NPAS3: variants seen among roughly 807,000 people sequenced by gnomAD.
The protein encoded by NPAS3 is neuronal PAS domain-containing protein 3.
Under a neutral mutation model 73.1 loss-of-function variants are expected in NPAS3, and 14 were observed. That is an observed-to-expected ratio of 0.19 (90% confidence interval 0.13 to 0.30). NPAS3 has a LOEUF of 0.30. Among genes scored for constraint, NPAS3 ranks in the 10% least tolerant of loss-of-function variants. The pLI is 1.00. For synonymous variants in NPAS3, 620 were observed against 541.5 expected, an observed-to-expected ratio of 1.14 and a Z score of -2.01; for missense variants, 1,096 against 1,250.0, an observed-to-expected ratio of 0.88 and a Z score of 1.86.
chr14:33,739,043 C>T (rs557075519), intron 7 of NPAS3, among the ~76,000 whole-genome samples: 30 of 152,212 alleles, frequency 2.0e-4, no homozygotes, highest in African/African-American at 6.3e-4. Context: ...CTGTCATTTC[C>T]GAAGTATTTA....
chr14:33,768,208 A>G (rs1294712391), intron 7 of NPAS3, among the ~76,000 whole-genome samples: 1 of 152,148 alleles, frequency 6.6e-6, no homozygotes, highest in Non-Finnish European at 1.5e-5. Flanking sequence ...CTGTGTAAGG[A>G]GTTTAGAAAA....
chr14:32,997,050 C>A (rs996010628), intron 1 of NPAS3, among the ~76,000 whole-genome samples: 1 of 152,198 alleles, frequency 6.6e-6, no homozygotes, highest in Non-Finnish European at 1.5e-5. Flanking sequence ...TGGGAACCCA[C>A]CTCATGCATT....
intron 3 of NPAS3, among the ~76,000 whole-genome samples, chr14:33,270,067 C>T (rs1452161442): frequency 6.6e-6 from 1 of 152,040 alleles, no homozygotes; most frequent in Non-Finnish European, 1.5e-5. Flanking sequence ...AGTCTGATCC[C>T]ATGGGGAGCT....
chr14:33,679,208 T>TCACCAGTAGAGAACGTTAAGCTAC, intron 6 of NPAS3, among the ~76,000 whole-genome samples: 1 of 152,318 alleles, frequency 6.6e-6, no homozygotes, highest in South Asian at 2.1e-4. Context: ...AATGTGACTC[T>TCACCAGTAGAGAACGTTAAGCTAC]CACCAGTAGA....
At chr14:33,202,677 TA>T (rs1303805594) in intron 2 of NPAS3, among the ~76,000 whole-genome samples, 2 of 149,886 alleles carry the variant, frequency 1.3e-5, no homozygotes, top group East Asian at 2.0e-4. Flanking sequence ...TTATTTAAAA[TA>T]AAAAACAATT....
chr14:33,386,004 TGTA>T (rs1219207862), intron 4 of NPAS3, among the ~76,000 whole-genome samples: 2 of 152,086 alleles, frequency 1.3e-5, no homozygotes, highest in Non-Finnish European at 2.9e-5. Context: ...GGAAGGAAGT[TGTA>T]GTGATGAGGA....
At chr14:33,227,328 T>G (rs1392818479) in intron 3 of NPAS3, among the ~76,000 whole-genome samples, 1 of 152,218 alleles carries the variant, frequency 6.6e-6, no homozygotes, top group Admixed American at 6.5e-5. Context: ...AGTCAGTGAC[T>G]GAATTTGTTG....
At chr14:33,278,760 A>C (rs2041453572) in intron 3 of NPAS3, among the ~76,000 whole-genome samples, 1 of 152,192 alleles carries the variant, frequency 6.6e-6, no homozygotes, top group African/African-American at 2.4e-5. Context: ...AAGCATTCTA[A>C]GTTCAGTGAT....
intron 9 of NPAS3, among the ~76,000 whole-genome samples, chr14:33,781,791 C>T: frequency 6.6e-6 from 1 of 152,286 alleles, no homozygotes; most frequent in South Asian, 2.1e-4. Flanking sequence ...TCTTTGATAA[C>T]TAAAAATACT....
intron 4 of NPAS3, among the ~76,000 whole-genome samples, chr14:33,371,210 C>T (rs2046072935): frequency 6.6e-6 from 1 of 152,092 alleles, no homozygotes; most frequent in South Asian, 2.1e-4. Flanking sequence ...AGGATAAATC[C>T]TTTAGTAGGG....
chr14:33,758,195 C>G (rs953048850), intron 7 of NPAS3, among the ~76,000 whole-genome samples: 1 of 152,208 alleles, frequency 6.6e-6, no homozygotes, highest in Non-Finnish European at 1.5e-5. Flanking sequence ...ACCTCCCCAC[C>G]TACTCCACTT....
At chr14:33,485,954 G>C (rs951233303) in intron 4 of NPAS3, among the ~76,000 whole-genome samples, 1 of 151,928 alleles carries the variant, frequency 6.6e-6, no homozygotes, top group African/African-American at 2.4e-5. Flanking sequence ...GAATGTGAGT[G>C]GCCGCCTGCA....
chr14:33,254,992 TCTTA>T (rs2048724968), intron 3 of NPAS3, among the ~76,000 whole-genome samples: 1 of 152,032 alleles, frequency 6.6e-6, no homozygotes, highest in Non-Finnish European at 1.5e-5. Context: ...ACTGACCCAG[TCTTA>T]CTTCTTTTCT....
chr14:33,801,090 T>C (rs749040861), exon 12 of NPAS3: 11 of 1,589,218 alleles, frequency 6.9e-6, no homozygotes, highest in African/African-American at 4.0e-5. Context: ...GCACAGACTC[T>C]GGAGCGCAAG....
At chr14:33,389,089 A>C (rs2138573337) in intron 4 of NPAS3, among the ~76,000 whole-genome samples, 1 of 152,314 alleles carries the variant, frequency 6.6e-6, no homozygotes, top group South Asian at 2.1e-4. Context: ...AGTATTCCAA[A>C]AAGATTGGTA....
chr14:33,800,218 G>C lies in NPAS3; in HGVS notation c.1911G>C (p.Leu637=). 1 of 1,612,684 alleles carries C rather than the reference G, an allele frequency of 6.2e-7. No individual in the cohort carries two copies. Among genetic ancestry groups the C allele is most frequent in the Non-Finnish European group, 8.5e-7 (1 of 1,179,596 alleles). Residue 637 remains leucine (L), a synonymous_variant, in exon 12 of 12, where the codon CTG becomes CTC. Coordinates refer to ENST00000356141, the Ensembl canonical transcript of NPAS3. The surrounding 1 kb of genome is among the most constrained non-coding windows in gnomAD (Gnocchi z 6.5). ...GCCTGGTGGAGCCCCCGCGGCTGCT[G>C]TCCTCCCCCAACAGTGCCTCGGTGC...
rs1448878840 is a variant in NPAS3, at chr14:32,994,645, T to TC, written c.50+55279_50+55280insC. On this transcript the variant is annotated intron_variant, in intron 1 of 11. Coordinates refer to ENST00000356141, the Ensembl canonical transcript of NPAS3. ...TTGTTTGTTTGTTTTTGTTTTTTTT[T>TC]TTTTGAGACAGAGTCTCACTCCATT... Among the ~76,000 whole-genome samples, 795 of 150,038 alleles carry TC rather than the reference T, an allele frequency of 5.3e-3. 19 individuals carry two copies. The highest frequency in any genetic ancestry group is 0.019 in the African/African-American group (759 of 40,740).
intron 4 of NPAS3, among the ~76,000 whole-genome samples, chr14:33,404,546 C>T (rs2047583679): frequency 6.6e-6 from 1 of 151,756 alleles, no homozygotes; most frequent in Non-Finnish European, 1.5e-5. Context: ...CAAATGATAC[C>T]AAGTATTTAT....
intron 3 of NPAS3, among the ~76,000 whole-genome samples, chr14:33,309,993 T>G (rs1220592214): frequency 6.6e-6 from 1 of 152,160 alleles, no homozygotes; most frequent in African/African-American, 2.4e-5. Context: ...CTTCATACCG[T>G]TGGTATGATC....
Sources: gnomAD v4.1 joint callset for allele counts (sites outside exome capture counted in the v4.1 genomes callset) on GRCh38, gnomAD v4.1.1 for gene constraint, Gnocchi (gnomAD v3.1) non-coding constraint, MANE v1.5 for transcripts, NCBI Gene and HGNC (gene_info 2026-07-23, HGNC 2026-07-21) for gene names.